The following RAP1A variants were observed in gnomAD, a reference collection of about 807,000 sequenced individuals.
RAP1A encodes ras-related protein Rap-1A.
Under a neutral mutation model 26.4 loss-of-function variants are expected in RAP1A, and 6 were observed. The ratio of observed to expected loss-of-function variants is 0.23; its 90% CI spans 0.12 to 0.45. The LOEUF (loss-of-function observed/expected upper bound fraction) is 0.45. Among genes scored for constraint, RAP1A ranks in the 20% least tolerant of loss-of-function variants. The pLI is 0.99. For missense variants in RAP1A, 121 were observed against 217.2 expected (o/e 0.56, Z 2.78); for synonymous variants, 73 against 79.4 (o/e 0.92, Z 0.43).
chr1:111,598,477 C>A (rs749591102), intron 1 of RAP1A, among the ~76,000 whole-genome samples: 1 of 151,374 alleles, frequency 6.6e-6, no homozygotes, highest in Non-Finnish European at 1.5e-5. Flanking sequence ...TTTTTTTTGT[C>A]CCACACGCTT....
chr1:111,544,758 G>C (rs528369064), intron 1 of RAP1A, among the ~76,000 whole-genome samples: 3 of 151,172 alleles, frequency 2.0e-5, no homozygotes, highest in African/African-American at 4.9e-5. Flanking sequence ...AATTTCTTGG[G>C]TATATCCAAT....
At chr1:111,709,945 G>A (rs1662325412) in intron 7 of RAP1A, among the ~76,000 whole-genome samples, 1 of 152,116 alleles carries the variant, frequency 6.6e-6, no homozygotes, top group Non-Finnish European at 1.5e-5. Context: ...ATAATTCTGT[G>A]CACATTCCTA....
chr1:111,709,763 A>G (rs1046128279), intron 7 of RAP1A, among the ~76,000 whole-genome samples: 1 of 152,146 alleles, frequency 6.6e-6, no homozygotes, highest in Non-Finnish European at 1.5e-5. Flanking sequence ...ATAAACAAAA[A>G]CGTAGTGTAT....
At chr1:111,594,482 AG>A (rs1658525313) in intron 1 of RAP1A, among the ~76,000 whole-genome samples, 1 of 140,270 alleles carries the variant, frequency 7.1e-6, no homozygotes, top group African/African-American at 2.9e-5. Context: ...AAAAAACGGA[AG>A]GAAGGAAGGA....
At chr1:111,698,981 T>TTCTTCTTTC (rs1661928303) in intron 4 of RAP1A, among the ~76,000 whole-genome samples, 1 of 151,930 alleles carries the variant, frequency 6.6e-6, no homozygotes, top group African/African-American at 2.4e-5. Flanking sequence ...TGTACGGGCA[T>TTCTTCTTTC]TCTTCTTTCT....
At chr1:111,703,237 TA>T (rs1662077822) in intron 4 of RAP1A, 98 bp from the exon 5 acceptor site, 3 of 827,886 alleles carry the variant, frequency 3.6e-6, no homozygotes, top group Non-Finnish European at 3.4e-6. Context: ...TAGCAAGTAA[TA>T]AAAAATGTTA....
intron 1 of RAP1A, chr1:111,649,643 G>A (rs1363609782): frequency 1.1e-5 from 2 of 177,152 alleles, no homozygotes; most frequent in East Asian, 3.1e-4. Context: ...TTCTTCTTTT[G>A]CTGTTGATAA....
intron 1 of RAP1A, among the ~76,000 whole-genome samples, chr1:111,562,711 C>T (rs1399564470): frequency 6.6e-6 from 1 of 152,210 alleles, no homozygotes; most frequent in Non-Finnish European, 1.5e-5. Context: ...TAAATTGCCT[C>T]TATATTGCTG....
chr1:111,706,267 C>G (rs1662188463), intron 6 of RAP1A, among the ~76,000 whole-genome samples: 1 of 152,046 alleles, frequency 6.6e-6, no homozygotes, highest in Non-Finnish European at 1.5e-5. Flanking sequence ...CTTTATAACC[C>G]AATAATCCAG....
chr1:111,701,325 A>G (rs12751967), intron 4 of RAP1A, among the ~76,000 whole-genome samples: 20,103 of 152,038 alleles, frequency 0.13, 2,031 homozygotes, highest in African/African-American at 0.29. Context: ...CCACATAACC[A>G]TAGAGCTTAT....
intron 1 of RAP1A, among the ~76,000 whole-genome samples, chr1:111,568,808 A>G (rs1657979970): frequency 2.0e-5 from 3 of 152,066 alleles, no homozygotes; most frequent in Non-Finnish European, 4.4e-5. Context: ...AGACAGTAAG[A>G]CCAACCTCTC....
chr1:111,691,229 T>A (rs548272599), intron 1 of RAP1A, 105 bp from the exon 2 acceptor site: 5 of 674,402 alleles, frequency 7.4e-6, no homozygotes, highest in Non-Finnish European at 1.2e-5. Context: ...TTTGATAGTC[T>A]TACAAGGAAA....
At chr1:111,585,239 A>T (rs761951597) in intron 1 of RAP1A, among the ~76,000 whole-genome samples, 39 of 152,214 alleles carry the variant, frequency 2.6e-4, no homozygotes, top group Non-Finnish European at 4.3e-4. Context: ...TTAGGTATTG[A>T]AAGAAAATCA....
At chr1:111,663,485 G>A (rs1660700444) in intron 1 of RAP1A, among the ~76,000 whole-genome samples, 1 of 152,202 alleles carries the variant, frequency 6.6e-6, no homozygotes, top group South Asian at 2.1e-4. Flanking sequence ...AGTAGTGATA[G>A]TAGTATTTTT....
intron 1 of RAP1A, among the ~76,000 whole-genome samples, chr1:111,627,757 A>G (rs1659444025): frequency 6.6e-6 from 1 of 151,874 alleles, no homozygotes; most frequent in African/African-American, 2.4e-5. Flanking sequence ...AAAATTACTG[A>G]TTAAAGTTGG....
intron 1 of RAP1A, among the ~76,000 whole-genome samples, chr1:111,557,118 A>C (rs1657525543): frequency 6.6e-6 from 1 of 152,110 alleles, no homozygotes; most frequent in Non-Finnish European, 1.5e-5. Flanking sequence ...AGTTAGAAAG[A>C]TATTACCTAC....
chr1:111,698,080 G>A (rs574814568), intron 4 of RAP1A, among the ~76,000 whole-genome samples: 57 of 152,190 alleles, frequency 3.7e-4, no homozygotes, highest in Non-Finnish European at 7.4e-4. Flanking sequence ...ACACAGTATG[G>A]AATTGTGTAT....
At chr1:111,635,871 C>T (rs1269531083) in intron 1 of RAP1A, among the ~76,000 whole-genome samples, 1 of 152,040 alleles carries the variant, frequency 6.6e-6, no homozygotes. Flanking sequence ...CTGTGCCTGG[C>T]CAGCATTGAT....
intron 1 of RAP1A, among the ~76,000 whole-genome samples, chr1:111,652,587 CTA>C (rs1303646812): frequency 1.3e-5 from 2 of 151,852 alleles, no homozygotes; most frequent in East Asian, 3.9e-4. Flanking sequence ...AGTTTGCTGA[CTA>C]TGGATTAGAA....
Sources: gnomAD v4.1 joint callset for allele counts (sites outside exome capture counted in the v4.1 genomes callset) on GRCh38, gnomAD v4.1.1 for gene constraint, MANE v1.5 for transcripts, NCBI Gene and HGNC (gene_info 2026-07-23, HGNC 2026-07-21) for gene names.